The following NBPF8 variants were observed in gnomAD, a reference collection of about 807,000 sequenced individuals.
The protein encoded by NBPF8 is NBPF member 8.
intron 3 of NBPF8, among the ~76,000 whole-genome samples, chr1:120,431,186 T>C (rs773980376): frequency 1.4e-5 from 2 of 147,944 alleles, no homozygotes; most frequent in African/African-American, 5.0e-5. Flanking sequence ...CAGAAATAGA[T>C]ACTCACATGT....
intron 21 of NBPF8, 123 bp downstream of exon 19, chr1:120,463,089 C>G (rs1366573318): frequency 1.0e-5 from 7 of 689,636 alleles, no homozygotes; most frequent in Non-Finnish European, 1.8e-5. Context: ...GACCTATGGG[C>G]GCATATAGGT....
upstream of NBPF8, among the ~76,000 whole-genome samples, chr1:120,415,467 C>G (rs1553245016): frequency 6.6e-6 from 1 of 152,176 alleles, no homozygotes; most frequent in East Asian, 1.9e-4. Context: ...TTGCCGCTGC[C>G]GCCCGCAGCC....
upstream of NBPF8, among the ~76,000 whole-genome samples, chr1:120,418,359 TTATC>T (rs1462310779): frequency 1.3e-5 from 1 of 78,336 alleles, no homozygotes; most frequent in Non-Finnish European, 2.3e-5. Context: ...CTTTATTTAT[TTATC>T]TTTTTACAAT....
chr1:120,452,755 T>C (rs1194168627), intron 13 of NBPF8, among the ~76,000 whole-genome samples: 1 of 152,202 alleles, frequency 6.6e-6, no homozygotes, highest in African/African-American at 2.4e-5. Flanking sequence ...AGACAAATTG[T>C]CTCTTGCAAG....
At chr1:120,429,087 G>A (rs1660798618) in intron 3 of NBPF8, among the ~76,000 whole-genome samples, 1 of 152,218 alleles carries the variant, frequency 6.6e-6, no homozygotes, top group African/African-American at 2.4e-5. Context: ...CTTCTAGAAT[G>A]CATCCCTGGC....
chr1:120,454,407 CA>C (rs1661376064), intron 15 of NBPF8, among the ~76,000 whole-genome samples: 3 of 151,716 alleles, frequency 2.0e-5, no homozygotes, highest in Admixed American at 6.6e-5. Flanking sequence ...TATCTCTTGT[CA>C]TCTGTGATTA....
chr1:120,466,432 CTG>C (rs1489723745), exon 25 of NBPF8: 8 of 553,576 alleles, frequency 1.4e-5, no homozygotes, highest in Admixed American at 6.5e-5. Flanking sequence ...GTTCACATAA[CTG>C]TGCAGCACAT....
At chr1:120,457,128 G>T (rs1238413675) in intron 16 of NBPF8, among the ~76,000 whole-genome samples, 1 of 139,606 alleles carries the variant, frequency 7.2e-6, no homozygotes, top group African/African-American at 3.0e-5. Flanking sequence ...TTACACTGTT[G>T]GTGGGACTGT....
At chr1:120,419,238 TTGC>T (rs1660507010), upstream of NBPF8, among the ~76,000 whole-genome samples, 1 of 152,212 alleles carries the variant, frequency 6.6e-6, no homozygotes, top group Admixed American at 6.5e-5. Flanking sequence ...TTTGTATGTG[TTGC>T]TGCTAAGATT....
At chr1:120,428,486 T>C (rs1487989465) in intron 3 of NBPF8, among the ~76,000 whole-genome samples, 7 of 151,632 alleles carry the variant, frequency 4.6e-5, no homozygotes, top group African/African-American at 1.7e-4. Flanking sequence ...CCACAATTCA[T>C]TGGAGATTGT....
At chr1:120,417,773 A>G (rs1287187468), upstream of NBPF8, among the ~76,000 whole-genome samples, 4 of 141,978 alleles carry the variant, frequency 2.8e-5, no homozygotes, top group Admixed American at 2.1e-4. Flanking sequence ...CTTAATTTTC[A>G]TATTTTTTGT....
At position 120,466,291 on chromosome 1, in the gene NBPF8, A is replaced by G. The variant is rs2101704893; in HGVS notation, n.3882A>G. 3.2e-6 allele frequency: 5 copies of G among 1,581,854 alleles called. No homozygotes were observed. In the East Asian group the frequency reaches 1.1e-4, roughly 36 times the overall value. ...CTATAGGCGCCTGAAGATTTGAATG[A>G]AACTATAGTTCCATTTGGAAGCCCA... On this transcript the variant is annotated non_coding_transcript_exon_variant, in exon 25 of 25. Transcript: ENST00000583271.
rs1223761093 is a variant in NBPF8 at position 120,454,917 on chromosome 1, G to A, written n.2569-492G>A. Among the ~76,000 whole-genome samples, 1,298 of 144,656 alleles carry A rather than the reference G, an allele frequency of 9.0e-3. 3 individuals carry two copies. Among genetic ancestry groups the A allele is most frequent in the East Asian group, 0.035 (164 of 4,624 alleles). 94.9% of individuals were successfully genotyped at this position (144,656 alleles called of 152,430 possible). On this transcript the variant is annotated intron_variant and non_coding_transcript_variant, in intron 15 of 24. Coordinates refer to ENST00000583271, the Ensembl canonical transcript of NBPF8. ...TTTAGTAGAGACAGGGTTTCCCCAT[G>A]TTGGCCAGGGTAGTCCTGAACTCAT...
At chr1:120,428,089 G>A (rs1308106044) in intron 3 of NBPF8, among the ~76,000 whole-genome samples, 1 of 152,104 alleles carries the variant, frequency 6.6e-6, no homozygotes, top group Non-Finnish European at 1.5e-5. Context: ...AGGTTTTATT[G>A]CAAAATATTG....
At position 120,449,402 on chromosome 1, in the gene NBPF8, A is replaced by G. The variant is rs587694958; in HGVS notation, n.1971A>G. 1.6e-4 allele frequency: 235 copies of G among 1,453,676 alleles called. No individual in the cohort carries two copies. The African/African-American group carries it at 2.9e-3, about 18-fold the overall frequency. 90.0% of individuals were successfully genotyped at this position (1,453,676 alleles called of 1,614,324 possible). ...CCTGGCCAACCGACAGAACAAATAC[A>G]GTAAGATCTACAGGCTCACCATCAT... On this transcript the variant is annotated splice_region_variant and non_coding_transcript_exon_variant, in exon 11 of 25. Transcript: ENST00000583271.
At chr1:120,461,334 G>T (rs1553250298) in exon 19 of NBPF8, 1 of 1,008,560 alleles carries the variant, frequency 9.9e-7, no homozygotes, top group East Asian at 2.6e-5. Flanking sequence ...ACTCCTTCAG[G>T]TTGCCTTGAA....
chr1:120,450,185 C>T (rs1661223620), intron 11 of NBPF8, among the ~76,000 whole-genome samples: 2 of 151,940 alleles, frequency 1.3e-5, no homozygotes, highest in Non-Finnish European at 2.9e-5. Flanking sequence ...CAAGGTTTTG[C>T]CATTGCACTC....
At chr1:120,419,362 C>T (rs1660511024), upstream of NBPF8, among the ~76,000 whole-genome samples, 1 of 152,208 alleles carries the variant, frequency 6.6e-6, no homozygotes, top group Non-Finnish European at 1.5e-5. Flanking sequence ...TCCAAAGAAG[C>T]ATTAACTACA....
At chr1:120,427,962 C>G (rs1293780334) in intron 3 of NBPF8, among the ~76,000 whole-genome samples, 115 bp downstream of exon 3, 1 of 152,132 alleles carries the variant, frequency 6.6e-6, no homozygotes, top group African/African-American at 2.4e-5. Context: ...GCTGAGTTTT[C>G]TTTGTATCAC....
Sources: allele counts gnomAD v4.1 joint callset (sites outside exome capture counted in the v4.1 genomes callset), GRCh38; gene constraint gnomAD v4.1.1; transcripts MANE v1.5; gene names NCBI Gene and HGNC (gene_info 2026-07-23, HGNC 2026-07-21).